FAM222A: variants seen among roughly 807,000 people sequenced by gnomAD.
The protein encoded by FAM222A is protein FAM222A.
A neutral mutation model predicts 25.8 loss-of-function variants in FAM222A; 7 were observed. That is an observed-to-expected ratio of 0.27 (90% CI 0.15 to 0.51). The LOEUF is 0.51. FAM222A is among the 20% of genes least tolerant of loss of function. The pLI is 0.97. For missense variants in FAM222A, 573 were observed against 640.5 expected, an observed-to-expected ratio of 0.89 and a Z score of 1.14; for synonymous variants, 294 against 298.8, an observed-to-expected ratio of 0.98 and a Z score of 0.17.
chr12:109,742,596 T>C (rs1888275958), intron 1 of FAM222A, among the ~76,000 whole-genome samples: 1 of 141,788 alleles, frequency 7.1e-6, no homozygotes, highest in Non-Finnish European at 1.5e-5. Flanking sequence ...TCCTCCACTC[T>C]CTCTCTCTCT....
chr12:109,738,132 G>T (rs1888136693), intron 1 of FAM222A, among the ~76,000 whole-genome samples: 3 of 152,150 alleles, frequency 2.0e-5, no homozygotes, highest in Non-Finnish European at 2.9e-5. Context: ...TGTCGTGGGA[G>T]CCCCTAAGGG....
chr12:109,744,595 A>C (rs1365950868), intron 2 of FAM222A: 1 of 985,222 alleles, frequency 1.0e-6, no homozygotes, highest in African/African-American at 1.7e-5. Flanking sequence ...AATAGACAGA[A>C]TGGGGTCCCC....
chr12:109,746,472 G>A (rs1052732741), intron 2 of FAM222A, among the ~76,000 whole-genome samples: 2 of 152,050 alleles, frequency 1.3e-5, no homozygotes, highest in East Asian at 3.9e-4. Flanking sequence ...CTGGGCAACA[G>A]AGTGAGACTT....
chr12:109,764,832 C>A (rs937114776), intron 2 of FAM222A, among the ~76,000 whole-genome samples: 1 of 152,198 alleles, frequency 6.6e-6, no homozygotes, highest in African/African-American at 2.4e-5. Context: ...CATGAAATTG[C>A]TTGTATAATG....
chr12:109,762,759 A>C (rs1888935817), intron 2 of FAM222A, among the ~76,000 whole-genome samples: 1 of 152,144 alleles, frequency 6.6e-6, no homozygotes, highest in Non-Finnish European at 1.5e-5. Flanking sequence ...GGTTTGAGGC[A>C]CCCATGGGTG....
At chr12:109,719,279 G>T (rs1228397972) in intron 1 of FAM222A, among the ~76,000 whole-genome samples, 2 of 152,188 alleles carry the variant, frequency 1.3e-5, no homozygotes, top group South Asian at 2.1e-4. Flanking sequence ...CCCAGAGAAG[G>T]TATTATACTT....
chr12:109,731,815 C>T (rs1347352922), intron 1 of FAM222A, among the ~76,000 whole-genome samples: 2 of 152,068 alleles, frequency 1.3e-5, no homozygotes, highest in Admixed American at 6.6e-5. Context: ...GTGAAAAGAG[C>T]GGGGAGAGAC....
At chr12:109,740,553 G>T (rs1188047657) in intron 1 of FAM222A, among the ~76,000 whole-genome samples, 1 of 152,150 alleles carries the variant, frequency 6.6e-6, no homozygotes, top group African/African-American at 2.4e-5. Flanking sequence ...AGGCAGGGAG[G>T]GGGCAAGATG....
intron 1 of FAM222A, among the ~76,000 whole-genome samples, chr12:109,733,552 C>T (rs1051448897): frequency 2.0e-5 from 3 of 152,066 alleles, no homozygotes; most frequent in Admixed American, 6.6e-5. Context: ...TACAGGCACA[C>T]GCCACCACGC....
intron 1 of FAM222A, among the ~76,000 whole-genome samples, chr12:109,715,257 A>G (rs1291942538): frequency 6.6e-6 from 1 of 152,162 alleles, no homozygotes; most frequent in African/African-American, 2.4e-5. Context: ...GAAAACGTTG[A>G]GGGTCTCCCG....
At chr12:109,743,751 A>G (rs150593068) in intron 1 of FAM222A, among the ~76,000 whole-genome samples, 343 of 152,138 alleles carry the variant, frequency 2.3e-3, no homozygotes, top group Non-Finnish European at 3.8e-3. Context: ...ACCGGCCGGA[A>G]GCACAGCCTG....
intron 1 of FAM222A, among the ~76,000 whole-genome samples, chr12:109,718,783 A>G (rs1350690815): frequency 1.3e-5 from 2 of 152,240 alleles, no homozygotes; most frequent in Non-Finnish European, 2.9e-5. Flanking sequence ...GATGTCGACT[A>G]TAATTATAAG....
At chr12:109,737,124 T>C (rs1437666409) in intron 1 of FAM222A, among the ~76,000 whole-genome samples, 3 of 152,154 alleles carry the variant, frequency 2.0e-5, no homozygotes, top group East Asian at 3.9e-4. Flanking sequence ...CGGACTCCAA[T>C]TGAAGGTCGA....
intron 1 of FAM222A, among the ~76,000 whole-genome samples, chr12:109,723,124 T>A (rs1196254707): frequency 6.6e-6 from 1 of 151,880 alleles, no homozygotes; most frequent in Non-Finnish European, 1.5e-5. Flanking sequence ...CATCCCAGGG[T>A]AGCAGCAGGG....
intron 1 of FAM222A, among the ~76,000 whole-genome samples, chr12:109,728,674 A>G (rs1887885485): frequency 6.6e-6 from 1 of 152,148 alleles, no homozygotes; most frequent in Non-Finnish European, 1.5e-5. Flanking sequence ...GCCCCACCCA[A>G]GCCCTTTTCA....
In FAM222A at chr12:109,744,036, G is replaced by A. The variant is rs562949837; in HGVS notation, c.-46-65G>A. On this transcript the variant is annotated intron_variant, in intron 1 of 2. Coordinates refer to ENST00000538780, the MANE Select transcript of FAM222A (RefSeq NM_032829.3). ...CGGGGTTGCAGGGAGACTCCCGGGGGGAATGGTGGGAGGCGAACACGGAGC... is the reference window on the plus strand; with the variant it reads ...CGGGGTTGCAGGGAGACTCCCGGGGAGAATGGTGGGAGGCGAACACGGAGC... 8 of 1,472,104 alleles carry A rather than the reference G, an allele frequency of 5.4e-6. No homozygotes were observed. In the African/African-American group the frequency reaches 9.8e-5, roughly 18 times the overall value. 91.2% of individuals were successfully genotyped at this position (1,472,104 alleles called of 1,614,324 possible).
At chr12:109,744,992 A>AT (rs983437471) in intron 2 of FAM222A, among the ~76,000 whole-genome samples, 1 of 151,828 alleles carries the variant, frequency 6.6e-6, no homozygotes, top group African/African-American at 2.4e-5. Flanking sequence ...ATCCGTTGCC[A>AT]TTTAGCATGA....
chr12:109,738,377 C>A (rs1418049537), intron 1 of FAM222A, among the ~76,000 whole-genome samples: 2 of 152,222 alleles, frequency 1.3e-5, no homozygotes, highest in Admixed American at 6.5e-5. Context: ...AGCATTCATT[C>A]TCTTCCCCGG....
At chr12:109,732,046 G>A (rs1156312865) in intron 1 of FAM222A, among the ~76,000 whole-genome samples, 9 of 152,198 alleles carry the variant, frequency 5.9e-5, no homozygotes, top group Non-Finnish European at 1.2e-4. Context: ...ACGCAGGGCT[G>A]TAGTCACATC....
Sources: gnomAD v4.1 joint callset for allele counts (sites outside exome capture counted in the v4.1 genomes callset) on GRCh38, gnomAD v4.1.1 for gene constraint, MANE v1.5 for transcripts, NCBI Gene and HGNC (gene_info 2026-07-23, HGNC 2026-07-21) for gene names.